Variants in CHD2 observed in about 807,000 individuals in gnomAD.
The protein encoded by CHD2 is chromodomain helicase DNA binding protein 2, also known as ATP-dependent chromatin remodeler CHD2.
Under a neutral mutation model 243.9 loss-of-function variants are expected in CHD2, and 28 were observed. That is an observed-to-expected ratio of 0.11 (90% CI 0.09 to 0.16). The LOEUF is 0.16. Ranked by LOEUF, CHD2 falls within the 10% of genes least tolerant of loss-of-function variation. CHD2 has a pLI of 1.00. For missense variants in CHD2, 1,386 were observed against 2,209.8 expected (o/e 0.63, Z 7.47); for synonymous variants, 775 against 779.0 (o/e 0.99, Z 0.09).
At chr15:92,976,886 G>C (rs989467042) in intron 20 of CHD2, among the ~76,000 whole-genome samples, 1 of 149,078 alleles carries the variant, frequency 6.7e-6, no homozygotes, top group African/African-American at 2.5e-5. Context: ...GTGACAGAAT[G>C]AGACCCTGTC....
chr15:92,930,121 T>A (rs2053138406), intron 5 of CHD2, among the ~76,000 whole-genome samples: 1 of 152,194 alleles, frequency 6.6e-6, no homozygotes, highest in African/African-American at 2.4e-5. Flanking sequence ...CTTAGAAGGC[T>A]TTTGTTCTGC....
rs576763292 is a variant in CHD2, at chr15:93,013,124, G to T, written c.4692+680G>T. 3.9e-5 allele frequency among the ~76,000 whole-genome samples: 6 copies of T among 152,356 alleles called. No homozygotes were observed. The South Asian group carries it at 1.2e-3, about 32-fold the overall frequency. On this transcript the variant is annotated intron_variant, in intron 36 of 38. Transcript: ENST00000394196. The stretch of plus-strand genomic sequence containing the variant: ...AGCACATAGAATGGAATAGAATGGT[G>T]CTGGGGACAGGGAAGCACTCAGGAG...
chr15:92,954,029 T>A (rs1302916636), intron 14 of CHD2: 1 of 157,100 alleles, frequency 6.4e-6, no homozygotes, highest in Non-Finnish European at 1.4e-5. Context: ...AACAAGCTAT[T>A]TTAGGACTGT....
At chr15:92,904,630 T>C (rs2052585860) in intron 2 of CHD2, 2 of 1,192,366 alleles carry the variant, frequency 1.7e-6, no homozygotes, top group Non-Finnish European at 1.0e-6. Context: ...TTTCCGGGAA[T>C]GGTTTATCCT....
intron 21 of CHD2, 115 bp from the exon 22 acceptor site, chr15:92,979,020 T>C: frequency 7.3e-7 from 1 of 1,361,012 alleles, no homozygotes; most frequent in South Asian, 1.4e-5. Flanking sequence ...GGTTAGAGAA[T>C]AAATTCTGTT....
intron 2 of CHD2, chr15:92,902,628 G>T (rs7165956): frequency 0.1 from 16,057 of 152,974 alleles, 902 homozygotes; most frequent in Middle Eastern, 0.26. Flanking sequence ...AGTTTGTAGT[G>T]CTGTCTTAAT....
chr15:93,021,160 T>C (rs1405836895), intron 38 of CHD2: 1 of 152,284 alleles, frequency 6.6e-6, no homozygotes, highest in Non-Finnish European at 1.5e-5. Flanking sequence ...GCCTTCATTT[T>C]TGAAAGTAGT....
chr15:93,019,751 T>C (rs2042034626), intron 37 of CHD2, among the ~76,000 whole-genome samples: 1 of 152,118 alleles, frequency 6.6e-6, no homozygotes, highest in South Asian at 2.1e-4. Flanking sequence ...CTAGCCAACA[T>C]GGTGAAACCC....
rs777471469 is a variant in CHD2, at chr15:93,004,764, A to G, written c.4413+13A>G. ...GACATTCAGCATAGTAAGTCTTGAA[A>G]TCGGGGGGTGCCAGTGTCTGCAGCC... On this transcript the variant is annotated intron_variant, in intron 34 of 38. Coordinates refer to ENST00000394196, the MANE Select transcript of CHD2 (RefSeq NM_001271.4). The G allele has an allele frequency of 1.4e-5, 23 of 1,608,954 alleles. No homozygotes were observed. The highest frequency in any genetic ancestry group is 1.7e-6 in the Non-Finnish European group (2 of 1,177,092).
intron 3 of CHD2, among the ~76,000 whole-genome samples, chr15:92,926,847 G>A (rs192136334): frequency 1.3e-5 from 2 of 152,268 alleles, no homozygotes; most frequent in African/African-American, 2.4e-5. Flanking sequence ...GGGCTTTGCC[G>A]CTTGTATTTT....
chr15:92,920,279 C>G (rs1170702581), intron 2 of CHD2, among the ~76,000 whole-genome samples: 1 of 152,148 alleles, frequency 6.6e-6, no homozygotes, highest in African/African-American at 2.4e-5. Flanking sequence ...TTACAGTCAA[C>G]AGTTTCCAAA....
chr15:92,928,864 C>A (rs563379763), intron 4 of CHD2, among the ~76,000 whole-genome samples, 166 bp from the exon 5 acceptor site: 1 of 152,264 alleles, frequency 6.6e-6, no homozygotes, highest in East Asian at 1.9e-4. Flanking sequence ...ATTTTCAAAT[C>A]AAAAGAAGAG....
At chr15:92,951,034 A>G (rs1476617706) in intron 13 of CHD2, among the ~76,000 whole-genome samples, 1 of 152,204 alleles carries the variant, frequency 6.6e-6, no homozygotes, top group African/African-American at 2.4e-5. Flanking sequence ...ACAGTTAATA[A>G]AAGTTAGATG....
At chr15:92,956,804 A>G (rs1345596252) in intron 16 of CHD2, among the ~76,000 whole-genome samples, 155 bp downstream of exon 16, 4 of 152,250 alleles carry the variant, frequency 2.6e-5, no homozygotes, top group Non-Finnish European at 1.5e-5. Flanking sequence ...AAAATGTTTC[A>G]TAATCAATGA....
chr15:92,904,460 C>T (rs934537581), intron 2 of CHD2: 61 of 988,980 alleles, frequency 6.2e-5, no homozygotes, highest in Middle Eastern at 2.8e-4. Flanking sequence ...GGCGCTTTCT[C>T]CTCCCCCTAC....
intron 34 of CHD2, among the ~76,000 whole-genome samples, chr15:93,006,843 G>T (rs2054328433): frequency 6.6e-6 from 1 of 152,208 alleles, no homozygotes; most frequent in African/African-American, 2.4e-5. Context: ...TCCTCTCACA[G>T]CAGTCACATT....
At position 92,946,112 on chromosome 15, in the gene CHD2, T is replaced by C; in HGVS notation, c.1273T>C (p.Cys425Arg). The change falls in exon 12 of 39, where the codon TGT (cysteine) becomes CGT (arginine). Residue 425 changes from cysteine (C) to arginine (R), a missense_variant. Around this residue, in one of 19 missense-constraint regions of CHD2, gnomAD observed 200 missense variants for 292.5 expected, o/e 0.68. Transcript: ENST00000394196. ...CKWMGLPYSE[C>R]SWEDEALIGK... ...ATGGATGGGACTCCCCTATTCAGAG[T>C]GTAGCTGGGAAGATGAAGCCCTCAT... 1.2e-6 allele frequency: 2 copies of C among 1,613,088 alleles called. No individual in the cohort carries two copies. Among genetic ancestry groups the C allele is most frequent in the Non-Finnish European group, 1.7e-6 (2 of 1,179,370 alleles).
chr15:93,017,554 C>T (rs1397692245), intron 37 of CHD2, among the ~76,000 whole-genome samples: 4 of 137,744 alleles, frequency 2.9e-5, no homozygotes, highest in Non-Finnish European at 6.0e-5. Flanking sequence ...ACCATGTTGG[C>T]CAAGGTGGTC....
chr15:92,984,817 A>G (rs1364763105), intron 25 of CHD2, among the ~76,000 whole-genome samples: 5 of 152,224 alleles, frequency 3.3e-5, no homozygotes, highest in South Asian at 2.1e-4. Flanking sequence ...ACTGCCTTCA[A>G]CTTTCAGAAA....
Sources: allele counts gnomAD v4.1 joint callset (sites outside exome capture counted in the v4.1 genomes callset), GRCh38; gene constraint gnomAD v4.1.1; regional missense constraint gnomAD v4.1.1; transcripts MANE v1.5; gene names NCBI Gene and HGNC (gene_info 2026-07-23, HGNC 2026-07-21).